LRRC7: variants seen among roughly 807,000 people sequenced by gnomAD.
LRRC7 encodes leucine-rich repeat-containing protein 7.
LRRC7 carries 23 observed loss-of-function variants against 175.7 expected under a neutral mutation model. That is an observed-to-expected ratio of 0.13 (90% confidence interval 0.09 to 0.19). LRRC7 has a LOEUF of 0.19. LRRC7 is among the 10% of genes least tolerant of loss of function. The probability of loss-of-function intolerance (pLI) is 1.00; values close to 1 mark genes in which losing one functional copy is unlikely to be tolerated. For missense variants in LRRC7, 1,354 were observed against 1,904.7 expected (o/e 0.71, Z 5.38); for synonymous variants, 685 against 680.9 (o/e 1.01, Z -0.09).
chr1:69,569,107 G>A (rs1645626594), intron 1 of LRRC7, among the ~76,000 whole-genome samples: 1 of 151,890 alleles, frequency 6.6e-6, no homozygotes, highest in South Asian at 2.1e-4. Context: ...GTGGCAGGAC[G>A]CACTTGTCTC....
chr1:69,955,658 A>G (rs58212739), intron 8 of LRRC7, among the ~76,000 whole-genome samples: 6 of 152,164 alleles, frequency 3.9e-5, no homozygotes, highest in Admixed American at 1.3e-4. Flanking sequence ...GTATGTTTGC[A>G]ACAGACATTT....
At position 69,746,199 on chromosome 1, in the gene LRRC7, A is replaced by G. The variant is rs543831096; in HGVS notation, c.101-13992A>G. On this transcript the variant is annotated intron_variant, in intron 2 of 26. Transcript: ENST00000651989. ...CATAAAGTGCTCTCTCTTTTCCACT[A>G]TATCTCATTCTGCTTCATCTGAATG... 3.4e-4 allele frequency among the ~76,000 whole-genome samples: 51 copies of G among 152,090 alleles called. No homozygotes were observed. The South Asian group carries it at 5.2e-3, about 15-fold the overall frequency.
rs1478109343 is a variant in LRRC7 at position 69,567,933 on chromosome 1, C to A, written c.-707C>A. Reference sequence around the variant, plus strand: ...GCGCCTCCTCGCCTGCCAATCCTGGCACCTGTGCGCCGAGCCACTGCACCG... The same window carrying A: ...GCGCCTCCTCGCCTGCCAATCCTGGAACCTGTGCGCCGAGCCACTGCACCG... On this transcript the variant is annotated 5_prime_UTR_variant, in exon 1 of 27. Coordinates refer to ENST00000651989, the MANE Select transcript of LRRC7 (RefSeq NM_001370785.2). Among the ~76,000 whole-genome samples the A allele has an allele frequency of 2.6e-5, 4 of 151,950 alleles. No homozygotes were observed. The highest frequency in any genetic ancestry group is 4.8e-5 in the African/African-American group (2 of 41,394).
At chr1:69,775,244 A>T (rs1672682934) in intron 3 of LRRC7, among the ~76,000 whole-genome samples, 1 of 152,232 alleles carries the variant, frequency 6.6e-6, no homozygotes, top group African/African-American at 2.4e-5. Flanking sequence ...ATGTAATTTC[A>T]TTAAGGTGTT....
chr1:69,909,376 TA>T (rs1405374020), intron 7 of LRRC7, among the ~76,000 whole-genome samples: 45 of 152,328 alleles, frequency 3.0e-4, no homozygotes, highest in African/African-American at 1.1e-3. Context: ...TGATGGTCTT[TA>T]CATTTTGGCA....
At chr1:69,935,692 G>A (rs1647937262) in intron 8 of LRRC7, among the ~76,000 whole-genome samples, 1 of 152,064 alleles carries the variant, frequency 6.6e-6, no homozygotes, top group Non-Finnish European at 1.5e-5. Flanking sequence ...TTGATTTATG[G>A]AGATCTTTGA....
intron 7 of LRRC7, among the ~76,000 whole-genome samples, chr1:69,870,263 T>G (rs1445233773): frequency 2.0e-5 from 3 of 152,040 alleles, no homozygotes; most frequent in Non-Finnish European, 4.4e-5. Context: ...AGCTATCAGG[T>G]TTACAGGTTA....
intron 1 of LRRC7, among the ~76,000 whole-genome samples, chr1:69,637,454 G>A (rs1449361953): frequency 6.6e-6 from 1 of 151,854 alleles, no homozygotes; most frequent in Non-Finnish European, 1.5e-5. Context: ...CTAGTTAGAA[G>A]ACCTGATCTC....
chr1:69,628,487 A>G lies in LRRC7; in HGVS notation c.3-49894A>G, dbSNP rs147590979. Among the ~76,000 whole-genome samples the G allele has an allele frequency of 2.0e-3, 306 of 152,320 alleles. 8 individuals carry two copies. The highest frequency in any genetic ancestry group is 0.018 in the Admixed American group (272 of 15,288). Reference sequence around the variant, plus strand: ...ATAAAAGAAATCAAATAACTAAGTAAACTCAGAGATATTCACCATTTATAG... The same window carrying G: ...ATAAAAGAAATCAAATAACTAAGTAGACTCAGAGATATTCACCATTTATAG... On this transcript the variant is annotated intron_variant, in intron 1 of 26. Transcript: ENST00000651989.
intron 2 of LRRC7, among the ~76,000 whole-genome samples, chr1:69,717,790 GAAAGAAAGA>G (rs1557640540): frequency 1.9e-3 from 38 of 19,826 alleles, no homozygotes; most frequent in African/African-American, 3.2e-3. Flanking sequence ...AAGAAAGAAA[GAAAGAAAGA>G]AAGAAAGAAA....
At chr1:69,632,793 A>C (rs557172654) in intron 1 of LRRC7, among the ~76,000 whole-genome samples, 98 of 152,286 alleles carry the variant, frequency 6.4e-4, no homozygotes, top group Non-Finnish European at 1.1e-3. Flanking sequence ...TATGGGATTA[A>C]TGAATAAATA....
chr1:69,778,973 TATAC>T (rs1673160197), intron 3 of LRRC7, among the ~76,000 whole-genome samples: 1 of 146,874 alleles, frequency 6.8e-6, no homozygotes, highest in Non-Finnish European at 1.5e-5. Flanking sequence ...TATATATATA[TATAC>T]ACACACACTC....
At chr1:69,956,828 C>CT (rs1250808929) in intron 8 of LRRC7, among the ~76,000 whole-genome samples, 1 of 151,406 alleles carries the variant, frequency 6.6e-6, no homozygotes, top group Non-Finnish European at 1.5e-5. Context: ...CCATCGAACT[C>CT]TAATAGTGTT....
intron 1 of LRRC7, among the ~76,000 whole-genome samples, chr1:69,622,573 T>C (rs1186431628): frequency 6.6e-6 from 1 of 152,144 alleles, no homozygotes; most frequent in African/African-American, 2.4e-5. Flanking sequence ...TCTTAGGAAG[T>C]ACTGGCTCTT....
intron 7 of LRRC7, among the ~76,000 whole-genome samples, chr1:69,839,271 A>C (rs1681463456): frequency 6.6e-6 from 1 of 152,098 alleles, no homozygotes; most frequent in Non-Finnish European, 1.5e-5. Flanking sequence ...CACAATTATG[A>C]AAATAACTTT....
At chr1:69,704,803 T>G (rs1244705715) in intron 2 of LRRC7, among the ~76,000 whole-genome samples, 1 of 152,062 alleles carries the variant, frequency 6.6e-6, no homozygotes, top group Admixed American at 6.6e-5. Context: ...CTTGTAAATC[T>G]AATCAATTAT....
At chr1:70,055,465 A>G (rs1661075028) in intron 23 of LRRC7, among the ~76,000 whole-genome samples, 1 of 152,172 alleles carries the variant, frequency 6.6e-6, no homozygotes, top group South Asian at 2.1e-4. Context: ...GTCAATGGAA[A>G]CAATGGGTGG....
At chr1:69,786,599 T>C (rs1674466058) in intron 3 of LRRC7, among the ~76,000 whole-genome samples, 1 of 152,128 alleles carries the variant, frequency 6.6e-6, no homozygotes, top group South Asian at 2.1e-4. Context: ...GTCCTCATGA[T>C]CATGATGGAA....
chr1:69,785,058 A>T (rs1674246960), intron 3 of LRRC7, among the ~76,000 whole-genome samples: 1 of 152,134 alleles, frequency 6.6e-6, no homozygotes, highest in South Asian at 2.1e-4. Flanking sequence ...TGTGTCCTGT[A>T]GAACAAGCTC....
Sources: gnomAD v4.1 joint callset for allele counts (sites outside exome capture counted in the v4.1 genomes callset) on GRCh38, gnomAD v4.1.1 for gene constraint, MANE v1.5 for transcripts, NCBI Gene and HGNC (gene_info 2026-07-23, HGNC 2026-07-21) for gene names.